Variants in TRIM37 observed in about 807,000 individuals in gnomAD.
The protein encoded by TRIM37 is E3 ubiquitin-protein ligase TRIM37.
A neutral mutation model predicts 129.8 loss-of-function variants in TRIM37; 80 were observed. The ratio of observed to expected loss-of-function variants is 0.62; its 90% CI spans 0.51 to 0.74. TRIM37 has a LOEUF of 0.74. Among genes scored for constraint, TRIM37 ranks in the 30% least tolerant of loss-of-function variants. The pLI, the probability that TRIM37 is intolerant of heterozygous loss-of-function variation, is 0.00. For missense variants in TRIM37, 1,054 were observed against 1,176.5 expected, an observed-to-expected ratio of 0.90 and a Z score of 1.52; for synonymous variants, 389 against 387.1, an observed-to-expected ratio of 1.00 and a Z score of -0.06.
At chr17:59,070,696 T>TGA in intron 9 of TRIM37, 127 bp downstream of exon 9, 1 of 1,078,844 alleles carries the variant, frequency 9.3e-7, no homozygotes, top group Non-Finnish European at 1.3e-6. Flanking sequence ...GGGCAACAAG[T>TGA]GAGACCCTAT....
chr17:59,080,409 T>A (rs1439461656), intron 6 of TRIM37, among the ~76,000 whole-genome samples: 2 of 152,214 alleles, frequency 1.3e-5, no homozygotes, highest in African/African-American at 4.8e-5. Context: ...GTTCATTGCT[T>A]AGTAAAAGAA....
At chr17:59,038,289 T>C (rs1422070349) in intron 17 of TRIM37, among the ~76,000 whole-genome samples, 3 of 152,178 alleles carry the variant, frequency 2.0e-5, no homozygotes, top group Admixed American at 2.0e-4. Flanking sequence ...ATGTACATTG[T>C]CATATTCTAG....
chr17:59,088,183 T>G, intron 4 of TRIM37, 108 bp downstream of exon 4: 1 of 724,354 alleles, frequency 1.4e-6, no homozygotes, highest in African/African-American at 1.8e-5. Context: ...ACAAGAAATA[T>G]AACACTACTT....
intron 2 of TRIM37, among the ~76,000 whole-genome samples, chr17:59,100,765 G>A (rs2045379882): frequency 6.6e-6 from 1 of 152,108 alleles, no homozygotes; most frequent in Non-Finnish European, 1.5e-5. Flanking sequence ...ACTCACATCT[G>A]TAATCCTAGC....
chr17:59,046,049 A>C (rs2039765353), intron 16 of TRIM37, among the ~76,000 whole-genome samples: 3 of 152,136 alleles, frequency 2.0e-5, no homozygotes, highest in African/African-American at 7.2e-5. Flanking sequence ...AATGAAATTC[A>C]TTAGTTCATC....
chr17:58,991,490 A>T (rs1339509400), intron 24 of TRIM37, among the ~76,000 whole-genome samples: 4 of 151,158 alleles, frequency 2.6e-5, no homozygotes, highest in Non-Finnish European at 5.9e-5. Context: ...GAGCCGAGAT[A>T]AAAAAAAAGT....
At chr17:58,997,585 A>G (rs1244480837), downstream of TRIM37, among the ~76,000 whole-genome samples, 1 of 152,218 alleles carries the variant, frequency 6.6e-6, no homozygotes, top group Non-Finnish European at 1.5e-5. Context: ...CACAGACAAC[A>G]CAAGCATTAA....
At chr17:59,060,918 A>G in intron 12 of TRIM37, 114 bp downstream of exon 12, 1 of 743,472 alleles carries the variant, frequency 1.3e-6, no homozygotes, top group African/African-American at 1.8e-5. Context: ...ATATTATTCT[A>G]CATCTTAACA....
downstream of TRIM37, among the ~76,000 whole-genome samples, chr17:58,997,898 C>T (rs1003914646): frequency 3.9e-5 from 6 of 152,026 alleles, no homozygotes; most frequent in African/African-American, 1.2e-4. Context: ...GCGGTGTTCC[C>T]GACATCACCA....
At chr17:59,096,097 A>T (rs2044829335) in intron 2 of TRIM37, among the ~76,000 whole-genome samples, 5 of 152,232 alleles carry the variant, frequency 3.3e-5, no homozygotes, top group Non-Finnish European at 7.3e-5. Context: ...CTACCAAAGA[A>T]AGGGAAAAGC....
downstream of TRIM37, chr17:58,980,721 A>G: frequency 6.2e-7 from 1 of 1,614,236 alleles, no homozygotes. This position sits in a 1 kb window ranked among gnomAD's most constrained non-coding sequence, Gnocchi z 4.7. Flanking sequence ...TCAGGGTTGG[A>G]AAATGAACAG....
At chr17:59,056,624 G>A (rs1033915165) in intron 13 of TRIM37, among the ~76,000 whole-genome samples, 1 of 148,572 alleles carries the variant, frequency 6.7e-6, no homozygotes, top group Non-Finnish European at 1.5e-5. Context: ...CAGCTACTCG[G>A]GAGGCTGAGG....
intron 22 of TRIM37, among the ~76,000 whole-genome samples, chr17:59,005,866 T>C (rs1009826041): frequency 6.6e-5 from 10 of 152,184 alleles, no homozygotes; most frequent in African/African-American, 1.9e-4. Context: ...GACAGGGCCA[T>C]GAACACACAT....
At chr17:59,095,803 CA>C (rs981450036) in intron 2 of TRIM37, among the ~76,000 whole-genome samples, 11 of 152,206 alleles carry the variant, frequency 7.2e-5, no homozygotes, top group Non-Finnish European at 2.9e-5. Flanking sequence ...ACTGCAGCCT[CA>C]ACCTCTTCAT....
downstream of TRIM37, among the ~76,000 whole-genome samples, chr17:58,994,320 CCAA>C (rs1449116824): frequency 2.0e-5 from 3 of 151,958 alleles, no homozygotes; most frequent in South Asian, 2.1e-4. Flanking sequence ...ATGGAGTCAA[CCAA>C]CAATAGACAG....
At chr17:59,082,856 T>C (rs62084389) in intron 5 of TRIM37, among the ~76,000 whole-genome samples, 3,963 of 152,320 alleles carry the variant, frequency 0.026, 70 homozygotes, top group Non-Finnish European at 0.043. Flanking sequence ...ACAAAACCTA[T>C]GTATTTAAAG....
intron 16 of TRIM37, 93 bp from the exon 17 acceptor site, chr17:59,041,991 T>G (rs2039216124): frequency 1.2e-6 from 1 of 859,626 alleles, no homozygotes; most frequent in African/African-American, 1.7e-5. Flanking sequence ...CAGATTTTTC[T>G]GTGAAATAAG....
At chr17:59,014,628 G>A (rs1458187131) in intron 21 of TRIM37, among the ~76,000 whole-genome samples, 1 of 151,226 alleles carries the variant, frequency 6.6e-6, no homozygotes, top group Non-Finnish European at 1.5e-5. Flanking sequence ...TGCTGTAAGT[G>A]CTTTGTTTCA....
intron 9 of TRIM37, among the ~76,000 whole-genome samples, chr17:59,068,810 G>A (rs1184872769): frequency 2.0e-5 from 3 of 152,116 alleles, no homozygotes; most frequent in Admixed American, 6.5e-5. Context: ...CATCTATAAC[G>A]AGTAAGAAGG....
Sources: gnomAD v4.1 joint callset for allele counts (sites outside exome capture counted in the v4.1 genomes callset) on GRCh38, gnomAD v4.1.1 for gene constraint, Gnocchi (gnomAD v3.1) non-coding constraint, MANE v1.5 for transcripts, NCBI Gene and HGNC (gene_info 2026-07-23, HGNC 2026-07-21) for gene names.